LY96: variants seen among roughly 807,000 people sequenced by gnomAD.
LY96 encodes the protein myeloid differentiation protein-2.
In LY96, 18 loss-of-function variants were observed where a neutral mutation model predicts 18.9. The observed-to-expected ratio is 0.95, with a 90% CI of 0.66 to 1.41. LY96 has a LOEUF of 1.41. LY96 is among the 40% of genes most tolerant of loss of function. The pLI is 0.00. For synonymous variants in LY96, 66 were observed against 62.6 expected (o/e 1.06, Z -0.26); for missense variants, 175 against 182.4 (o/e 0.96, Z 0.23).
chr8:74,037,415 G>A, the LY96 span, among the ~76,000 whole-genome samples: 2 of 152,086 alleles, frequency 1.3e-5, no homozygotes, highest in Non-Finnish European at 2.9e-5. Context: ...AATTGCTTGA[G>A]CCCAAGAATT....
the LY96 span, among the ~76,000 whole-genome samples, chr8:74,091,742 G>A: frequency 1.4e-3 from 220 of 152,170 alleles, no homozygotes; most frequent in Non-Finnish European, 2.3e-3. Flanking sequence ...TTCCCTCCTC[G>A]CTGTGATCTG....
At chr8:73,993,953 A>G (rs962698817) in intron 1 of LY96, among the ~76,000 whole-genome samples, 2 of 151,742 alleles carry the variant, frequency 1.3e-5, no homozygotes, top group Non-Finnish European at 2.9e-5. Flanking sequence ...CTGTGAAACC[A>G]TCACCGTTGG....
At chr8:74,081,722 C>T in the LY96 span, among the ~76,000 whole-genome samples, 3 of 151,976 alleles carry the variant, frequency 2.0e-5, no homozygotes, top group Non-Finnish European at 2.9e-5. Flanking sequence ...GGCATGATCT[C>T]GGCTCACTAC....
Position 73,991,404 on chromosome 8 carries a change from A to G in LY96, c.-39A>G. ...GGAAGAGTCTGATGATTAGTTACTG[A>G]TCCTCTTTGCATTTGTAAAGCTTTG... On this transcript the variant is annotated 5_prime_UTR_variant, in exon 1 of 5. Transcript: ENST00000284818. 2 of 1,086,006 alleles carry G rather than the reference A, an allele frequency of 1.8e-6. No individual in the cohort carries two copies. Among genetic ancestry groups the G allele is most frequent in the Non-Finnish European group, 2.9e-6 (2 of 699,518 alleles). The allele number at this position is 1,086,006 out of a possible 1,614,324, so 67.3% of individuals were successfully genotyped here.
the LY96 span, among the ~76,000 whole-genome samples, chr8:74,068,083 A>ATATATATATATATATATATATATATAT: frequency 5.6e-4 from 54 of 95,738 alleles, no homozygotes; most frequent in Middle Eastern, 6.0e-3. Flanking sequence ...AAAAAAAAAA[A>ATATATATATATATATATATATATATAT]AAAAAAATAT....
intron 2 of LY96, among the ~76,000 whole-genome samples, chr8:74,008,511 C>G (rs576875763): frequency 1.4e-4 from 22 of 152,250 alleles, no homozygotes; most frequent in African/African-American, 4.6e-4. Context: ...GAAGTGAAGA[C>G]AAATTAGGAA....
the LY96 span, among the ~76,000 whole-genome samples, chr8:74,072,919 A>G: frequency 7.9e-5 from 12 of 152,166 alleles, no homozygotes; most frequent in Non-Finnish European, 7.4e-5. Flanking sequence ...TAGCAGATAT[A>G]TATACACATA....
the LY96 span, among the ~76,000 whole-genome samples, chr8:74,070,826 T>A: frequency 6.6e-6 from 1 of 152,178 alleles, no homozygotes; most frequent in African/African-American, 2.4e-5. Context: ...TTTCTTGACA[T>A]TTTATGGATA....
intron 3 of LY96, among the ~76,000 whole-genome samples, chr8:74,014,776 A>G (rs538045643): frequency 6.6e-6 from 1 of 151,770 alleles, no homozygotes; most frequent in East Asian, 1.9e-4. Flanking sequence ...TGGACAAGCA[A>G]TTATAAAGTA....
chr8:74,089,444 C>A, the LY96 span, among the ~76,000 whole-genome samples: 1 of 152,118 alleles, frequency 6.6e-6, no homozygotes, highest in African/African-American at 2.4e-5. Flanking sequence ...GCCCTGCCCC[C>A]AAACATGCAT....
At chr8:74,032,651 T>G (rs1293110178), downstream of LY96, among the ~76,000 whole-genome samples, 1 of 152,228 alleles carries the variant, frequency 6.6e-6, no homozygotes. Context: ...AGCCCTTTCC[T>G]TCCACAACTT....
the LY96 span, among the ~76,000 whole-genome samples, chr8:74,047,061 C>T: frequency 6.6e-6 from 1 of 152,092 alleles, no homozygotes; most frequent in Admixed American, 6.5e-5. Flanking sequence ...GCCACCACAC[C>T]CAGGTAATTT....
chr8:74,003,335 G>T (rs1417339807), intron 1 of LY96, among the ~76,000 whole-genome samples: 1 of 152,204 alleles, frequency 6.6e-6, no homozygotes, highest in African/African-American at 2.4e-5. Flanking sequence ...CTTCTAAAAG[G>T]GGGTGGGCTA....
At chr8:74,096,856 G>A in the LY96 span, among the ~76,000 whole-genome samples, 7 of 152,078 alleles carry the variant, frequency 4.6e-5, no homozygotes, top group Non-Finnish European at 8.8e-5. Context: ...GCCTTTGATC[G>A]GGGGAGACCT....
chr8:74,005,298 C>A (rs375128387), intron 2 of LY96, among the ~76,000 whole-genome samples: 1 of 152,094 alleles, frequency 6.6e-6, no homozygotes, highest in African/African-American at 2.4e-5. Context: ...TCAAAGCCAG[C>A]GAGGGGGACA....
chr8:74,056,411 C>A, the LY96 span: 1 of 238,610 alleles, frequency 4.2e-6, no homozygotes, highest in South Asian at 5.1e-5. Flanking sequence ...AAGAGACAAT[C>A]AATAAATTGA....
chr8:74,049,393 C>T, the LY96 span, among the ~76,000 whole-genome samples: 2 of 152,138 alleles, frequency 1.3e-5, no homozygotes, highest in African/African-American at 2.4e-5. Context: ...CTCATTGTTG[C>T]TTACATTTCT....
At chr8:74,073,346 C>T in the LY96 span, among the ~76,000 whole-genome samples, 1 of 152,184 alleles carries the variant, frequency 6.6e-6, no homozygotes, top group African/African-American at 2.4e-5. Context: ...AAAGAATTTA[C>T]AGCCATAGGC....
intron 3 of LY96, among the ~76,000 whole-genome samples, chr8:74,011,909 A>G (rs960183184): frequency 6.6e-6 from 1 of 152,112 alleles, no homozygotes; most frequent in Non-Finnish European, 1.5e-5. Context: ...ACACTTATAG[A>G]TACTTTTCAA....
Sources: gnomAD v4.1 joint callset for allele counts (sites outside exome capture counted in the v4.1 genomes callset) on GRCh38, gnomAD v4.1.1 for gene constraint, MANE v1.5 for transcripts, NCBI Gene and HGNC (gene_info 2026-07-23, HGNC 2026-07-21) for gene names.